The following EPOP variants were observed in gnomAD, a reference collection of about 807,000 sequenced individuals.
The protein encoded by EPOP is elongin BC and polycomb repressive complex 2 associated protein.
A neutral mutation model predicts 18.2 loss-of-function variants in EPOP; 14 were observed. That is an observed-to-expected ratio of 0.77 (90% confidence interval 0.51 to 1.20). The LOEUF is 1.20. Among genes scored for constraint, EPOP ranks in the 50% most tolerant of loss-of-function variants. The probability of loss-of-function intolerance (pLI) is 0.00; values close to 1 mark genes in which losing one functional copy is unlikely to be tolerated. For synonymous variants in EPOP, 252 were observed against 274.9 expected (o/e 0.92, Z 0.83); for missense variants, 527 against 577.2 (o/e 0.91, Z 0.89).
chr17:38,673,440 CGGGT>C lies in EPOP; in HGVS notation c.1052_1055del (p.His351ArgfsTer71). ...GACCCCCCATCTGCCACCTCCACAG[CGGGT>C]GGGCGGGCGGGGGCTTAGAGTCTCC... On this transcript the variant is annotated frameshift_variant, in exon 1 of 1. Coordinates refer to ENST00000621654, the MANE Select transcript of EPOP (RefSeq NM_001130677.2). LOFTEE classifies it high-confidence loss of function. 1 of 33,398 alleles carries C rather than the reference CGGGT, an allele frequency of 3.0e-5. No individual in the cohort carries two copies. The highest frequency in any genetic ancestry group is 5.8e-5 in the Non-Finnish European group (1 of 17,168). The allele number at this position is 33,398 out of a possible 1,614,324, so 2.1% of individuals were successfully genotyped here.
chr17:38,672,973 C>A lies in EPOP; in HGVS notation c.*383G>T, dbSNP rs1043526816. The A allele has an allele frequency of 5.5e-6, 1 of 183,230 alleles. No homozygotes were observed. The highest frequency in any genetic ancestry group is 2.4e-5 in the African/African-American group (1 of 42,484). The allele number at this position is 183,230 out of a possible 1,614,324, so 11.4% of individuals were successfully genotyped here. On this transcript the variant is annotated 3_prime_UTR_variant, in exon 1 of 1. Coordinates refer to ENST00000621654, the MANE Select transcript of EPOP (RefSeq NM_001130677.2). ...CCAGGCTCGCCCACAGACACAGTAA[C>A]AACCGGTTTGTCCATCACCGAGGTC...
In EPOP at chr17:38,674,225, A is replaced by G. The variant is rs1287335706; in HGVS notation, c.271T>C (p.Trp91Arg). The G allele has an allele frequency of 7.0e-6, 10 of 1,432,532 alleles. No individual in the cohort carries two copies. The East Asian group carries it at 2.5e-4, about 36-fold the overall frequency. The allele number at this position is 1,432,532 out of a possible 1,614,324, so 88.7% of individuals were successfully genotyped here. A position where few individuals can be genotyped will look rare whatever the true frequency, so the allele number is the denominator to read the frequency against. Residue 91 changes from tryptophan (W) to arginine (R), a missense_variant, in exon 1 of 1, where the codon TGG becomes CGG. Trp to Arg is a moderately radical substitution (Grantham distance 101, BLOSUM62 -3). Coordinates refer to ENST00000621654, the MANE Select transcript of EPOP (RefSeq NM_001130677.2). This position sits in a 1 kb window ranked among gnomAD's most constrained non-coding sequence, Gnocchi z 4.5. ...GWAPDGLKHL[W>R]APTGRPGVPN... ...ACGCCGGGCCGCCCGGTCGGTGCCC[A>G]GAGGTGCTTCAGGCCATCCGGGGCC...
chr17:38,674,165 C>T lies in EPOP; in HGVS notation c.331G>A (p.Ala111Thr). The T allele has an allele frequency of 7.0e-7, 1 of 1,429,226 alleles. No homozygotes were observed. Among genetic ancestry groups the T allele is most frequent in the Non-Finnish European group, 9.1e-7 (1 of 1,103,248 alleles). 88.5% of individuals were successfully genotyped at this position (1,429,226 alleles called of 1,614,324 possible). A position where few individuals can be genotyped will look rare whatever the true frequency, so the allele number is the denominator to read the frequency against. Residue 111 changes from alanine (A) to threonine (T), a missense_variant, in exon 1 of 1, where the codon GCA becomes ACA. Ala to Thr is a moderately conservative substitution (Grantham distance 58). Transcript: ENST00000621654. This position sits in a 1 kb window ranked among gnomAD's most constrained non-coding sequence, Gnocchi z 4.5. ...TCCTCTCCGCGGCGGGGGCACGCTG[C>T]GACGTCCGCATCCTCGCCGGCGGCG... Reference protein sequence around the residue: ...NTAAGEDADVAACPRRGEEEE... With the variant: ...NTAAGEDADVTACPRRGEEEE...
chr17:38,674,525 G>C lies in EPOP; in HGVS notation c.-30C>G, dbSNP rs1440368022. 6.8e-7 allele frequency: 1 copy of C among 1,464,364 alleles called. No homozygotes were observed. Among genetic ancestry groups the C allele is most frequent in the Non-Finnish European group, 9.0e-7 (1 of 1,110,450 alleles). 90.7% of individuals were successfully genotyped at this position (1,464,364 alleles called of 1,614,324 possible). On this transcript the variant is annotated 5_prime_UTR_variant, in exon 1 of 1. Transcript: ENST00000621654. This position sits in a 1 kb window ranked among gnomAD's most constrained non-coding sequence, Gnocchi z 4.5. ...CAGCCTGAGGGGTGCCCACTGAGCG[G>C]GTCCAGGTCCCAGCGGCGGGATGCC...
chr17:38,674,449 G>A lies in EPOP; in HGVS notation c.47C>T (p.Pro16Leu), dbSNP rs935636952. 71 of 1,539,528 alleles carry A rather than the reference G, an allele frequency of 4.6e-5. No individual in the cohort carries two copies. The Admixed American group carries it at 1.3e-3, about 28-fold the overall frequency. The part of the protein sequence containing the change: ...PAPRLAVPAS[P>L]RGSPCSPTPR... ...CGTGGGGGAGCAGGGCGACCCTCGC[G>A]GGGACGCCGGCACTGCCAGGCGGGG... Residue 16 changes from proline to leucine, a missense_variant, in exon 1 of 1, where the codon CCG becomes CTG. Pro to Leu is a moderately conservative substitution (Grantham distance 98). Transcript: ENST00000621654. The surrounding 1 kb of genome is among the most constrained non-coding windows in gnomAD (Gnocchi z 4.5).
chr17:38,674,292 T>C lies in EPOP; in HGVS notation c.204A>G (p.Pro68=), dbSNP rs1254551474. The change falls in exon 1 of 1, where the codon CCA becomes CCG. Residue 68 remains proline (P), a synonymous_variant. Transcript: ENST00000621654. The surrounding 1 kb of genome is among the most constrained non-coding windows in gnomAD (Gnocchi z 4.5). ...GGGGGGCCTGAGGGCCCCGCAGCAC[T>C]GGGGACCGCGCCGCCAGCTCCCCAG... The part of the protein sequence containing the change: ...PGPGELAARS[P]VLRGPQAPLR... The C allele has an allele frequency of 2.0e-6, 3 of 1,519,126 alleles. No homozygotes were observed. The highest frequency in any genetic ancestry group is 2.6e-6 in the Non-Finnish European group (3 of 1,139,574). 94.1% of individuals were successfully genotyped at this position (1,519,126 alleles called of 1,614,324 possible).
rs548343851 is a variant in EPOP at position 38,674,429 on chromosome 17, G to A, written c.67C>T (p.Pro23Ser). The change falls in exon 1 of 1, where the codon CCC (proline) becomes TCC (serine). Residue 23 changes from proline to serine, a missense_variant. Physicochemically the swap from Pro to Ser is moderately conservative, Grantham distance 74 (BLOSUM62 -1). Transcript: ENST00000621654. The surrounding 1 kb of genome is among the most constrained non-coding windows in gnomAD (Gnocchi z 4.5). The part of the protein sequence containing the change: ...PASPRGSPCS[P>S]TPRKPCRGTQ... ...CCCCGACACGGCTTCCGGGGCGTGG[G>A]GGAGCAGGGCGACCCTCGCGGGGAC... 1.3e-6 allele frequency: 2 copies of A among 1,542,084 alleles called. No individual in the cohort carries two copies. Among genetic ancestry groups the A allele is most frequent in the Admixed American group, 2.0e-5 (1 of 50,916 alleles).
Position 38,674,868 on chromosome 17 carries a change from T to G in EPOP, c.-373A>C. On this transcript the variant is annotated 5_prime_UTR_variant, in exon 1 of 1. Transcript: ENST00000621654. This position sits in a 1 kb window ranked among gnomAD's most constrained non-coding sequence, Gnocchi z 4.5. ...GAAGGACCCCGGGCCCGGCACCCGG[T>G]GCCCGGGCCCAGGCGGCGGGGAGGG... is the stretch of plus-strand genomic sequence containing the variant. 13 of 168,418 alleles carry G rather than the reference T, an allele frequency of 7.7e-5. No homozygotes were observed. Among genetic ancestry groups the G allele is most frequent in the East Asian group, 1.6e-4 (1 of 6,260 alleles). 10.4% of individuals were successfully genotyped at this position (168,418 alleles called of 1,614,324 possible). A position where few individuals can be genotyped will look rare whatever the true frequency, so the allele number is the denominator to read the frequency against.
Position 38,674,124 on chromosome 17 carries a change from G to A in EPOP, c.372C>T (p.Gly124=). ...AGCGAACGCCGAAGTGCGGGAAACC[G>A]CCTCCGCCCTCTTCCTCCTCTCCGC... The part of the protein sequence containing the change: ...PRRGEEEEGG[G]GFPHFGVRSC... The change falls in exon 1 of 1, where the codon GGC becomes GGT. Residue 124 remains glycine (G), a synonymous_variant. Coordinates refer to ENST00000621654, the MANE Select transcript of EPOP (RefSeq NM_001130677.2). This position sits in a 1 kb window ranked among gnomAD's most constrained non-coding sequence, Gnocchi z 4.5. The A allele has an allele frequency of 6.9e-7, 1 of 1,451,418 alleles. No individual in the cohort carries two copies. Among genetic ancestry groups the A allele is most frequent in the African/African-American group, 1.5e-5 (1 of 67,334 alleles). 89.9% of individuals were successfully genotyped at this position (1,451,418 alleles called of 1,614,324 possible).
Position 38,674,113 on chromosome 17 carries a change from T to C in EPOP, c.383A>G (p.His128Arg). ...EEEEGGGGFP[H>R]FGVRSCAPPG... is the part of the protein sequence containing the mutation. ...AGGTGCACAGGAGCGAACGCCGAAG[T>C]GCGGGAAACCGCCTCCGCCCTCTTC... The change falls in exon 1 of 1, where the codon CAC becomes CGC. Residue 128 changes from histidine (H) to arginine (R), a missense_variant. Physicochemically the swap from His to Arg is conservative, Grantham distance 29. Coordinates refer to ENST00000621654, the MANE Select transcript of EPOP (RefSeq NM_001130677.2). This position sits in a 1 kb window ranked among gnomAD's most constrained non-coding sequence, Gnocchi z 4.5. 2.1e-5 allele frequency: 31 copies of C among 1,450,966 alleles called. No homozygotes were observed. Among genetic ancestry groups the C allele is most frequent in the Non-Finnish European group, 2.8e-5 (31 of 1,111,116 alleles). 89.9% of individuals were successfully genotyped at this position (1,450,966 alleles called of 1,614,324 possible).
chr17:38,674,376 C>G lies in EPOP; in HGVS notation c.120G>C (p.Leu40=), dbSNP rs1911057555. 6.5e-7 allele frequency: 1 copy of G among 1,543,596 alleles called. No individual in the cohort carries two copies. The highest frequency in any genetic ancestry group is 8.7e-7 in the Non-Finnish European group (1 of 1,146,252). The change falls in exon 1 of 1, where the codon CTG becomes CTC. Residue 40 remains leucine, a synonymous_variant. Transcript: ENST00000621654. This position sits in a 1 kb window ranked among gnomAD's most constrained non-coding sequence, Gnocchi z 4.5. Reference sequence around the variant, plus strand: ...CAAGGGCGCAGAAGGCGAGGGCACGCAGGCACAGCGGAGAGAATTCCTGGG... The same window carrying G: ...CAAGGGCGCAGAAGGCGAGGGCACGGAGGCACAGCGGAGAGAATTCCTGGG... The part of the protein sequence containing the change: ...RGTQEFSPLC[L]RALAFCALAK...
Position 38,673,923 on chromosome 17 carries a change from G to A in EPOP, c.573C>T (p.Thr191=). The A allele has an allele frequency of 1.4e-6, 2 of 1,388,276 alleles. No homozygotes were observed. The highest frequency in any genetic ancestry group is 1.9e-6 in the Non-Finnish European group (2 of 1,078,798). 86.0% of individuals were successfully genotyped at this position (1,388,276 alleles called of 1,614,324 possible). Residue 191 remains threonine, a synonymous_variant, in exon 1 of 1, where the codon ACC becomes ACT. Transcript: ENST00000621654. ...RPPSPPAGLS[T]EPAGPGTAPR... ...GCGCCGTCCCGGGACCCGCGGGCTC[G>A]GTGGAGAGGCCCGCAGGTGGCGACG... is the stretch of plus-strand genomic sequence containing the variant.
chr17:38,673,650 C>T lies in EPOP; in HGVS notation c.846G>A (p.Arg282=). The change falls in exon 1 of 1, where the codon CGG becomes CGA. Residue 282 remains arginine, a synonymous_variant. Transcript: ENST00000621654. The part of the protein sequence containing the change: ...PERPPAKGPA[R]GAAKKRRLPA... The stretch of plus-strand genomic sequence containing the variant: ...GCAGCCGGCGTTTCTTGGCGGCTCC[C>T]CGAGCCGGCCCTTTCGCAGGCGGCC... The T allele has an allele frequency of 6.5e-7, 1 of 1,526,972 alleles. No homozygotes were observed. Among genetic ancestry groups the T allele is most frequent in the South Asian group, 1.2e-5 (1 of 81,852 alleles). The allele number at this position is 1,526,972 out of a possible 1,614,324, so 94.6% of individuals were successfully genotyped here. A position where few individuals can be genotyped will look rare whatever the true frequency, so the allele number is the denominator to read the frequency against.
At position 38,673,125 on chromosome 17, in the gene EPOP, T is replaced by G. The variant is rs928393872; in HGVS notation, c.*231A>C. On this transcript the variant is annotated 3_prime_UTR_variant, in exon 1 of 1. Transcript: ENST00000621654. ...AAGGAGGCAGGGATTGGAATCTATG[T>G]CATCAGCCTTCTCCCGACTCCAGCC... 2.4e-5 allele frequency: 14 copies of G among 595,486 alleles called. No homozygotes were observed. The highest frequency in any genetic ancestry group is 2.1e-4 in the African/African-American group (11 of 51,260). 36.9% of individuals were successfully genotyped at this position (595,486 alleles called of 1,614,324 possible).
Position 38,674,064 on chromosome 17 carries a change from C to CG in EPOP, c.431dup (p.His145AlafsTer202). The stretch of plus-strand genomic sequence containing the variant: ...AGCTGGTCGTAGATTCCCGAGGGTG[C>CG]GGGGGCGCAGGGCAGCGGCCCGGAG... On this transcript the variant is annotated frameshift_variant, in exon 1 of 1. Coordinates refer to ENST00000621654, the MANE Select transcript of EPOP (RefSeq NM_001130677.2). LOFTEE classifies it high-confidence loss of function. This position sits in a 1 kb window ranked among gnomAD's most constrained non-coding sequence, Gnocchi z 4.5. 7.1e-7 allele frequency: 1 copy of CG among 1,401,978 alleles called. No homozygotes were observed. Among genetic ancestry groups the CG allele is most frequent in the Non-Finnish European group, 9.2e-7 (1 of 1,087,396 alleles). The allele number at this position is 1,401,978 out of a possible 1,614,324, so 86.8% of individuals were successfully genotyped here. A position where few individuals can be genotyped will look rare whatever the true frequency, so the allele number is the denominator to read the frequency against.
chr17:38,674,687 T>TC lies in EPOP; in HGVS notation c.-193dup. ...CCTCTTCGCTCTCCTCACGCGGCCC[T>TC]CCCGGCGGCCGGACTCCTGGGTCCC... is the stretch of plus-strand genomic sequence containing the variant. On this transcript the variant is annotated 5_prime_UTR_variant, in exon 1 of 1. Coordinates refer to ENST00000621654, the MANE Select transcript of EPOP (RefSeq NM_001130677.2). The surrounding 1 kb of genome is among the most constrained non-coding windows in gnomAD (Gnocchi z 4.5). 2.1e-6 allele frequency: 1 copy of TC among 487,672 alleles called. No individual in the cohort carries two copies. Among genetic ancestry groups the TC allele is most frequent in the Non-Finnish European group, 3.4e-6 (1 of 294,738 alleles). The allele number at this position is 487,672 out of a possible 1,614,324, so 30.2% of individuals were successfully genotyped here.
chr17:38,673,534 C>T lies in EPOP; in HGVS notation c.962G>A (p.Cys321Tyr). 2.0e-6 allele frequency: 3 copies of T among 1,513,136 alleles called. No homozygotes were observed. The highest frequency in any genetic ancestry group is 2.3e-4 in the Middle Eastern group (1 of 4,414). The allele number at this position is 1,513,136 out of a possible 1,614,324, so 93.7% of individuals were successfully genotyped here. ...TTCCCCCACCACCAGGGCCGGGGGG[C>T]AGGGGAAGCAGTTGAGGAGGCTGAA... Reference protein sequence around the residue: ...STFSLLNCFPCPPALVVGEDG... With the variant: ...STFSLLNCFPYPPALVVGEDG... Residue 321 changes from cysteine to tyrosine, a missense_variant, in exon 1 of 1, where the codon TGC becomes TAC. Physicochemically the swap from Cys to Tyr is radical, Grantham distance 194 (BLOSUM62 -2). Coordinates refer to ENST00000621654, the MANE Select transcript of EPOP (RefSeq NM_001130677.2).
In EPOP at chr17:38,674,364, G is replaced by A. The variant is rs1423480356; in HGVS notation, c.132C>T (p.Ala44=). 3 of 1,542,938 alleles carry A rather than the reference G, an allele frequency of 1.9e-6. No homozygotes were observed. Among genetic ancestry groups the A allele is most frequent in the Non-Finnish European group, 8.7e-7 (1 of 1,146,204 alleles). The change falls in exon 1 of 1, where the codon GCC becomes GCT. Residue 44 remains alanine (A), a synonymous_variant. Coordinates refer to ENST00000621654, the MANE Select transcript of EPOP (RefSeq NM_001130677.2). This position sits in a 1 kb window ranked among gnomAD's most constrained non-coding sequence, Gnocchi z 4.5. ...CCCGGGGCTTGGCAAGGGCGCAGAA[G>A]GCGAGGGCACGCAGGCACAGCGGAG... ...EFSPLCLRAL[A]FCALAKPRAS...
At position 38,674,152 on chromosome 17, in the gene EPOP, CG is replaced by C. The variant is rs1436757106; in HGVS notation, c.343del (p.Arg115AlafsTer134). Reference sequence around the variant, plus strand: ...TCCGCCCTCTTCCTCCTCTCCGCGGCGGGGGCACGCTGCGACGTCCGCATCC... The same window carrying C: ...TCCGCCCTCTTCCTCCTCTCCGCGGCGGGGCACGCTGCGACGTCCGCATCC... ...GEDADVAACP[R>X]RGEEEEGGGG... On this transcript the variant is annotated frameshift_variant, in exon 1 of 1. Coordinates refer to ENST00000621654, the MANE Select transcript of EPOP (RefSeq NM_001130677.2). LOFTEE classifies it high-confidence loss of function. This position sits in a 1 kb window ranked among gnomAD's most constrained non-coding sequence, Gnocchi z 4.5. The C allele has an allele frequency of 3.5e-6, 5 of 1,438,748 alleles. No individual in the cohort carries two copies. Among genetic ancestry groups the C allele is most frequent in the Admixed American group, 5.9e-5 (2 of 33,760 alleles). The allele number at this position is 1,438,748 out of a possible 1,614,324, so 89.1% of individuals were successfully genotyped here.
Sources: gnomAD v4.1 joint callset for allele counts on GRCh38, gnomAD v4.1.1 for gene constraint, Gnocchi (gnomAD v3.1) non-coding constraint, MANE v1.5 for transcripts, NCBI Gene and HGNC (gene_info 2026-07-23, HGNC 2026-07-21) for gene names.